The following ZNF710 variants were observed in gnomAD, a reference collection of about 807,000 sequenced individuals.
ZNF710 encodes the protein zinc finger protein 710.
In ZNF710, 13 loss-of-function variants were observed where a neutral mutation model predicts 50.6. The observed-to-expected ratio is 0.26, with a 90% CI of 0.17 to 0.41. The LOEUF is 0.41. Among genes scored for constraint, ZNF710 ranks in the 10% least tolerant of loss-of-function variants. The pLI, the probability that ZNF710 is intolerant of heterozygous loss-of-function variation, is 1.00. For missense variants in ZNF710, 721 were observed against 936.6 expected, an observed-to-expected ratio of 0.77 and a Z score of 3.01; for synonymous variants, 383 against 397.0, an observed-to-expected ratio of 0.96 and a Z score of 0.42.
Position 90,067,647 on chromosome 15 carries a change from G to A in ZNF710, c.510G>A (p.Thr170=), listed in dbSNP as rs757260568. The change falls in exon 2 of 5, where the codon ACG becomes ACA. Residue 170 remains threonine, a synonymous_variant. Transcript: ENST00000268154. The surrounding 1 kb of genome is among the most constrained non-coding windows in gnomAD (Gnocchi z 8.1). ...GCGCCTTCAGCCGCAAGCCCCGGAC[G>A]CTCCGGCATCTGCCCCGAACCCCGA... ...DLSAFSRKPR[T]LRHLPRTPRP... The A allele has an allele frequency of 7.4e-6, 12 of 1,612,778 alleles. No homozygotes were observed. The highest frequency in any genetic ancestry group is 1.1e-5 in the South Asian group (1 of 91,004).
At chr15:90,050,148 T>A (rs939731626) in intron 1 of ZNF710, among the ~76,000 whole-genome samples, 3 of 152,248 alleles carry the variant, frequency 2.0e-5, no homozygotes, top group African/African-American at 7.2e-5. Context: ...ATTACGTGAA[T>A]GAGAGAGGCA....
intron 1 of ZNF710, among the ~76,000 whole-genome samples, chr15:90,033,697 C>T (rs1025875491): frequency 5.3e-5 from 8 of 152,146 alleles, no homozygotes; most frequent in Admixed American, 6.5e-5. Flanking sequence ...TAGCTGGGAC[C>T]ATAGGCATTC....
At chr15:90,053,818 A>T (rs1899723094) in intron 1 of ZNF710, among the ~76,000 whole-genome samples, 1 of 151,532 alleles carries the variant, frequency 6.6e-6, no homozygotes, top group Admixed American at 6.6e-5. Context: ...CCCAACACAC[A>T]CTTCCCACCC....
chr15:90,071,481 C>G, intron 2 of ZNF710, among the ~76,000 whole-genome samples: 1 of 152,002 alleles, frequency 6.6e-6, no homozygotes, highest in East Asian at 1.9e-4. Flanking sequence ...CAGCACAAGA[C>G]ACAGTCCCTG....
At chr15:90,074,656 T>C (rs1219937874) in intron 4 of ZNF710, 6 of 492,434 alleles carry the variant, frequency 1.2e-5, no homozygotes, top group Non-Finnish European at 2.0e-5. Flanking sequence ...CTTAGATAGC[T>C]CATGCAAGAT....
intron 1 of ZNF710, among the ~76,000 whole-genome samples, chr15:90,019,187 C>CTTT (rs11285838): frequency 6.5e-3 from 581 of 88,906 alleles, no homozygotes; most frequent in Non-Finnish European, 7.5e-3. Context: ...CTTTTTCTTT[C>CTTT]TTTTTTTTTT....
chr15:90,033,872 G>A (rs949679281), intron 1 of ZNF710, among the ~76,000 whole-genome samples: 4 of 152,146 alleles, frequency 2.6e-5, no homozygotes, highest in East Asian at 1.9e-4. Context: ...TGCAAGCTTG[G>A]CCCACTGACT....
rs189537626 is a variant in ZNF710, at chr15:90,034,001, A to G, written c.-29+32387A>G. On this transcript the variant is annotated intron_variant, in intron 1 of 4. Coordinates refer to ENST00000268154, the MANE Select transcript of ZNF710 (RefSeq NM_198526.4). This position sits in a 1 kb window ranked among gnomAD's most constrained non-coding sequence, Gnocchi z 4.0. Reference sequence around the variant, plus strand: ...CAGATCACTTGAGGTCAGGAGTTCAAGACCAGCTTGGCTAACATGGTGAAA... The same window carrying G: ...CAGATCACTTGAGGTCAGGAGTTCAGGACCAGCTTGGCTAACATGGTGAAA... Among the ~76,000 whole-genome samples, 120 of 152,298 alleles carry G rather than the reference A, an allele frequency of 7.9e-4. 1 individual carries two copies. Among genetic ancestry groups the G allele is most frequent in the East Asian group, 6.0e-3 (31 of 5,182 alleles).
chr15:90,015,058 A>G (rs1444864545), intron 1 of ZNF710, among the ~76,000 whole-genome samples: 1 of 151,880 alleles, frequency 6.6e-6, no homozygotes, highest in East Asian at 1.9e-4. Flanking sequence ...ACCCCAGCTA[A>G]TTTTGTACTT....
chr15:90,036,229 C>T (rs1339276405), intron 1 of ZNF710, among the ~76,000 whole-genome samples: 3 of 138,432 alleles, frequency 2.2e-5, no homozygotes, highest in South Asian at 2.6e-4. Flanking sequence ...CCACTCTTGC[C>T]GCCCGCCCCC....
rs71461840 is a variant in ZNF710 at position 90,066,474 on chromosome 15, ATTTTTTTTT to A, written c.-28-623_-28-615del. Among the ~76,000 whole-genome samples, 13 of 120,532 alleles carry A rather than the reference ATTTTTTTTT, an allele frequency of 1.1e-4. No individual in the cohort carries two copies. The East Asian group carries it at 3.4e-3, about 31-fold the overall frequency. 79.1% of individuals were successfully genotyped at this position (120,532 alleles called of 152,430 possible). ...GCATTTTTGAATCCGATTTTTAAGG[ATTTTTTTTT>A]TTTTTTTTTTTTGAGACAGAGTGTC... On this transcript the variant is annotated intron_variant, in intron 1 of 4. Coordinates refer to ENST00000268154, the MANE Select transcript of ZNF710 (RefSeq NM_198526.4).
Position 90,067,319 on chromosome 15 carries a change from C to T in ZNF710, c.182C>T (p.Pro61Leu), listed in dbSNP as rs1900203217. ...LSGAAMGEPE[P>L]PGPDVYQLAC... is the part of the protein sequence containing the mutation. ...GGGGCAGCCATGGGAGAGCCCGAGC[C>T]ACCAGGCCCCGACGTCTACCAGCTG... Residue 61 changes from proline (P) to leucine (L), a missense_variant, in exon 2 of 5, where the codon CCA (proline) becomes CTA (leucine). Transcript: ENST00000268154. This position sits in a 1 kb window ranked among gnomAD's most constrained non-coding sequence, Gnocchi z 8.1. 1 of 1,607,208 alleles carries T rather than the reference C, an allele frequency of 6.2e-7. No homozygotes were observed. The highest frequency in any genetic ancestry group is 1.3e-5 in the African/African-American group (1 of 74,816).
intron 1 of ZNF710, among the ~76,000 whole-genome samples, chr15:90,057,441 AT>A (rs1899855248): frequency 6.6e-6 from 1 of 151,944 alleles, no homozygotes; most frequent in East Asian, 1.9e-4. Flanking sequence ...CACACCTATA[AT>A]CCCAGCACTT....
In ZNF710 at chr15:90,070,712, A is replaced by G. The variant is rs543405711; in HGVS notation, c.1458+2117A>G. ...GCACACACCTGTGGTCCAGCTACAC[A>G]TGAGACTGAAGCAGGAGGATTGCTT... On this transcript the variant is annotated intron_variant, in intron 2 of 4. Transcript: ENST00000268154. Among the ~76,000 whole-genome samples the G allele has an allele frequency of 2.6e-5, 4 of 151,892 alleles. No homozygotes were observed. The South Asian group carries it at 6.2e-4, about 24-fold the overall frequency.
chr15:90,059,367 A>G lies in ZNF710; in HGVS notation c.-28-7743A>G, dbSNP rs1039795041. Among the ~76,000 whole-genome samples the G allele has an allele frequency of 1.3e-5, 2 of 152,168 alleles. No homozygotes were observed. The highest frequency in any genetic ancestry group is 4.8e-5 in the African/African-American group (2 of 41,448). On this transcript the variant is annotated intron_variant, in intron 1 of 4. Coordinates refer to ENST00000268154, the MANE Select transcript of ZNF710 (RefSeq NM_198526.4). This position sits in a 1 kb window ranked among gnomAD's most constrained non-coding sequence, Gnocchi z 4.1. ...GGCTGTGGGGGCTGCGGGGCCGGAGACCTGCATTCTAGCCCTTGCTCCCCC... is the reference window on the plus strand; with the variant it reads ...GGCTGTGGGGGCTGCGGGGCCGGAGGCCTGCATTCTAGCCCTTGCTCCCCC...
chr15:90,057,952 C>T (rs918738402), intron 1 of ZNF710, among the ~76,000 whole-genome samples: 1 of 152,172 alleles, frequency 6.6e-6, no homozygotes, highest in Non-Finnish European at 1.5e-5. Flanking sequence ...GGCTTCACCC[C>T]TCATATCCTT....
rs766961907 is a variant in ZNF710, at chr15:90,067,615, G to A, written c.478G>A (p.Asp160Asn). The A allele has an allele frequency of 4.3e-6, 7 of 1,611,396 alleles. No individual in the cohort carries two copies. The African/African-American group carries it at 8.0e-5, about 18-fold the overall frequency. Residue 160 changes from aspartate (D) to asparagine (N), a missense_variant, in exon 2 of 5, where the codon GAC becomes AAC. By Grantham distance (23) the Asp-to-Asn change is conservative (BLOSUM62 1). Coordinates refer to ENST00000268154, the MANE Select transcript of ZNF710 (RefSeq NM_198526.4). This position sits in a 1 kb window ranked among gnomAD's most constrained non-coding sequence, Gnocchi z 8.1. ...LVQSSAVKMI[D>N]LSAFSRKPRT... ...GCAGAGCAGCGCCGTCAAGATGATC[G>A]ACCTCAGCGCCTTCAGCCGCAAGCC...
intron 1 of ZNF710, among the ~76,000 whole-genome samples, chr15:90,060,083 C>T (rs1899958407): frequency 4.1e-5 from 1 of 24,688 alleles, no homozygotes; most frequent in African/African-American, 1.8e-4. Context: ...AGCCAGTCCT[C>T]AGTCCCTGTC....
At chr15:90,016,722 C>T (rs1346314712) in intron 1 of ZNF710, among the ~76,000 whole-genome samples, 3 of 152,206 alleles carry the variant, frequency 2.0e-5, no homozygotes, top group African/African-American at 7.2e-5. Context: ...TGCCTGGCCT[C>T]TTGTTTTTTT....
Sources: allele counts gnomAD v4.1 joint callset (sites outside exome capture counted in the v4.1 genomes callset), GRCh38; gene constraint gnomAD v4.1.1; non-coding constraint Gnocchi (gnomAD v3.1); transcripts MANE v1.5; gene names NCBI Gene and HGNC (gene_info 2026-07-23, HGNC 2026-07-21).